The following EYS variants were observed in gnomAD, a reference collection of about 807,000 sequenced individuals.
EYS encodes the protein EGF-like photoreceptor maintenance factor.
Under a neutral mutation model 282.1 loss-of-function variants are expected in EYS, and 250 were observed. That is an observed-to-expected ratio of 0.89 (90% CI 0.80 to 0.98). EYS has a LOEUF of 0.98. Ranked by LOEUF, EYS falls within the 50% of genes least tolerant of loss-of-function variation. The probability of loss-of-function intolerance (pLI) is 0.00; values close to 1 mark genes in which losing one functional copy is unlikely to be tolerated. For synonymous variants in EYS, 1,355 were observed against 1,282.9 expected (o/e 1.06, Z -1.20); for missense variants, 4,016 against 3,709.0 (o/e 1.08, Z -2.15).
chr6:65,092,618 T>C (rs1404008711), intron 12 of EYS, among the ~76,000 whole-genome samples: 5 of 152,206 alleles, frequency 3.3e-5, no homozygotes, highest in African/African-American at 1.2e-4. Context: ...ACTTTTGAAA[T>C]GCAGCCAGGC....
intron 31 of EYS, among the ~76,000 whole-genome samples, chr6:64,215,303 G>A (rs1765897313): frequency 1.3e-5 from 2 of 151,632 alleles, no homozygotes; most frequent in Non-Finnish European, 3.0e-5. Context: ...GCTTCCTGGG[G>A]AATTTTTAAA....
intron 30 of EYS, among the ~76,000 whole-genome samples, chr6:64,298,062 C>T (rs1017265753): frequency 3.3e-5 from 5 of 151,790 alleles, no homozygotes; most frequent in Admixed American, 1.3e-4. Context: ...AACACTGGAC[C>T]TTCCTTGCTA....
At chr6:64,084,439 G>A (rs962135347) in intron 31 of EYS, among the ~76,000 whole-genome samples, 4 of 152,194 alleles carry the variant, frequency 2.6e-5, no homozygotes, top group Non-Finnish European at 5.9e-5. Context: ...GGGTGGGAGA[G>A]TTTTTAAGAG....
chr6:63,801,196 G>A (rs1209966200), intron 37 of EYS, among the ~76,000 whole-genome samples: 14 of 152,198 alleles, frequency 9.2e-5, no homozygotes, highest in South Asian at 4.1e-4. Flanking sequence ...ATGACTGAGC[G>A]GAGAGACTAG....
At chr6:65,050,309 G>A (rs16896171) in intron 13 of EYS, among the ~76,000 whole-genome samples, 7,210 of 151,558 alleles carry the variant, frequency 0.048, 293 homozygotes, top group East Asian at 0.16. Context: ...ACACAATACT[G>A]CTAATAAAAA....
chr6:64,131,544 G>A (rs1476089166), intron 31 of EYS, among the ~76,000 whole-genome samples: 1 of 152,122 alleles, frequency 6.6e-6, no homozygotes, highest in African/African-American at 2.4e-5. Context: ...TGGGGGAGCA[G>A]TGCGGGGAGT....
At chr6:65,185,067 G>T (rs1315752966) in intron 12 of EYS, among the ~76,000 whole-genome samples, 1 of 150,890 alleles carries the variant, frequency 6.6e-6, no homozygotes, top group Non-Finnish European at 1.5e-5. Flanking sequence ...TGATTGATCT[G>T]AATTGCTCAT....
At chr6:65,398,073 C>T (rs1211926941) in intron 7 of EYS, among the ~76,000 whole-genome samples, 2 of 151,806 alleles carry the variant, frequency 1.3e-5, no homozygotes, top group African/African-American at 2.4e-5. Context: ...AATATTTGTT[C>T]ATGCCTTTTG....
intron 2 of EYS, among the ~76,000 whole-genome samples, chr6:65,502,582 T>C (rs1766495264): frequency 6.6e-6 from 1 of 151,662 alleles, no homozygotes; most frequent in Non-Finnish European, 1.5e-5. Flanking sequence ...CAATGCTTTA[T>C]TCAGACTTTT....
Position 64,964,315 on chromosome 6 carries a change from C to A in EYS, c.2260-18401G>T, listed in dbSNP as rs866594348. ...TGACTTCCTTCCCTTCAAAAGTTTT[C>A]ATACAATATTCTTTATGATTAAATG... On this transcript the variant is annotated intron_variant, in intron 14 of 42. Coordinates refer to ENST00000503581, the MANE Select transcript of EYS (RefSeq NM_001142800.2). Among the ~76,000 whole-genome samples, 4 of 152,172 alleles carry A rather than the reference C, an allele frequency of 2.6e-5. No homozygotes were observed. The South Asian group carries it at 6.2e-4, about 24-fold the overall frequency.
Position 65,658,865 on chromosome 6 carries a change from G to T in EYS, c.-447-18973C>A, listed in dbSNP as rs1308489019. Among the ~76,000 whole-genome samples, 3 of 151,390 alleles carry T rather than the reference G, an allele frequency of 2.0e-5. No individual in the cohort carries two copies. The East Asian group carries it at 5.8e-4, about 29-fold the overall frequency. On this transcript the variant is annotated intron_variant, in intron 1 of 42. Transcript: ENST00000503581. ...TGTCTTGGGATGGGGATAAAGGAAA[G>T]AATACATTGTATCTCATATAGCAAG... is the stretch of plus-strand genomic sequence containing the variant.
chr6:65,570,771 T>C (rs776680025), intron 2 of EYS, among the ~76,000 whole-genome samples: 19 of 152,178 alleles, frequency 1.2e-4, no homozygotes, highest in Non-Finnish European at 2.5e-4. Flanking sequence ...TTCCTTTCCT[T>C]TTGCATTATT....
chr6:64,210,405 C>T (rs1363518779), intron 31 of EYS, among the ~76,000 whole-genome samples: 3 of 152,110 alleles, frequency 2.0e-5, no homozygotes. Flanking sequence ...TCTGTGTCCT[C>T]TCATGGTTTT....
intron 1 of EYS, among the ~76,000 whole-genome samples, chr6:65,702,422 G>A (rs1307969757): frequency 6.6e-6 from 1 of 152,188 alleles, no homozygotes; most frequent in Admixed American, 6.5e-5. Context: ...CAGGTGCGGT[G>A]GCTCATGCCT....
At chr6:65,183,674 G>A (rs1022102855) in intron 12 of EYS, among the ~76,000 whole-genome samples, 3 of 151,538 alleles carry the variant, frequency 2.0e-5, no homozygotes, top group African/African-American at 7.3e-5. Context: ...TAAGTGTACT[G>A]ATTTTATTAT....
At chr6:64,339,566 T>C (rs1384157713) in intron 29 of EYS, among the ~76,000 whole-genome samples, 2 of 151,914 alleles carry the variant, frequency 1.3e-5, no homozygotes, top group African/African-American at 4.8e-5. Context: ...TGGAAAACAG[T>C]GTGGAGATTC....
intron 31 of EYS, among the ~76,000 whole-genome samples, chr6:64,128,142 T>A (rs1002451773): frequency 7.2e-4 from 110 of 152,292 alleles, no homozygotes; most frequent in African/African-American, 2.6e-3. Context: ...TAACTTCTGA[T>A]GTGTACAGAG....
At chr6:65,359,625 CTATTTA>C (rs1764622426) in intron 8 of EYS, among the ~76,000 whole-genome samples, 2 of 151,880 alleles carry the variant, frequency 1.3e-5, no homozygotes, top group South Asian at 4.1e-4. Flanking sequence ...CCTGGTGATT[CTATTTA>C]TATTTATTTA....
intron 41 of EYS, among the ~76,000 whole-genome samples, chr6:63,759,627 C>G (rs970396359): frequency 2.6e-4 from 40 of 152,062 alleles, no homozygotes; most frequent in African/African-American, 9.7e-4. Flanking sequence ...CATGTAACTA[C>G]ACCTCTATTA....
Sources: allele counts gnomAD v4.1 joint callset (sites outside exome capture counted in the v4.1 genomes callset), GRCh38; gene constraint gnomAD v4.1.1; transcripts MANE v1.5; gene names NCBI Gene and HGNC (gene_info 2026-07-23, HGNC 2026-07-21).